Variants in STPG4 observed in about 807,000 individuals in gnomAD.
STPG4 encodes sperm-tail PG-rich repeat containing 4, also known as protein STPG4.
In STPG4, 41 loss-of-function variants were observed where a neutral mutation model predicts 31.5. The ratio of observed to expected loss-of-function variants is 1.30; its 90% CI spans 1.01 to 1.69. STPG4 has a LOEUF of 1.69. STPG4 is among the 40% of genes most tolerant of loss of function. The probability of loss-of-function intolerance (pLI) is 0.00; values close to 1 mark genes in which losing one functional copy is unlikely to be tolerated. For missense variants in STPG4, 375 were observed against 293.4 expected (o/e 1.28, Z -2.03); for synonymous variants, 141 against 103.0 (o/e 1.37, Z -2.24).
At chr2:47,133,735 G>A (rs1450598941) in intron 3 of STPG4, among the ~76,000 whole-genome samples, 6 of 151,646 alleles carry the variant, frequency 4.0e-5, no homozygotes, top group South Asian at 2.1e-4. Flanking sequence ...GCACCACCAC[G>A]TCTGGCTAAT....
At chr2:47,150,550 C>T (rs1264456431) in intron 3 of STPG4, among the ~76,000 whole-genome samples, 1 of 151,668 alleles carries the variant, frequency 6.6e-6, no homozygotes, top group African/African-American at 2.4e-5. Flanking sequence ...GCATGTCACT[C>T]TGTCACCCAG....
At chr2:47,125,130 T>C (rs1686341153) in intron 5 of STPG4, among the ~76,000 whole-genome samples, 2 of 152,212 alleles carry the variant, frequency 1.3e-5, no homozygotes, top group African/African-American at 4.8e-5. Flanking sequence ...TAGATTTTTT[T>C]CCTATTGAGG....
chr2:47,087,223 A>C, intron 6 of STPG4, 93 bp from the exon 7 acceptor site: 4 of 1,433,554 alleles, frequency 2.8e-6, no homozygotes, highest in South Asian at 1.3e-5. Flanking sequence ...TGTGGTGGAC[A>C]AATTCCCCAA....
At chr2:47,106,076 G>A (rs186303109) in intron 5 of STPG4, among the ~76,000 whole-genome samples, 2 of 151,440 alleles carry the variant, frequency 1.3e-5, no homozygotes, top group South Asian at 2.1e-4. Flanking sequence ...AGAAAGAGAG[G>A]AAGAACCAAA....
At chr2:47,089,903 G>A (rs1685534622) in intron 6 of STPG4, among the ~76,000 whole-genome samples, 1 of 152,170 alleles carries the variant, frequency 6.6e-6, no homozygotes, top group South Asian at 2.1e-4. Context: ...GCTCCCAGAA[G>A]CCACACACAC....
intron 5 of STPG4, among the ~76,000 whole-genome samples, chr2:47,117,946 A>C (rs865978345): frequency 7.1e-4 from 105 of 148,108 alleles, no homozygotes; most frequent in African/African-American, 2.7e-3. Flanking sequence ...TTTTTAATAG[A>C]GATGAGGTCT....
At chr2:47,101,652 T>A (rs2103740519) in intron 5 of STPG4, among the ~76,000 whole-genome samples, 1 of 151,898 alleles carries the variant, frequency 6.6e-6, no homozygotes, top group South Asian at 2.1e-4. Flanking sequence ...AAGACATAAT[T>A]TTTGCCCAAA....
chr2:47,107,712 G>A (rs545581244), intron 5 of STPG4, among the ~76,000 whole-genome samples: 308 of 152,280 alleles, frequency 2.0e-3, no homozygotes, highest in Middle Eastern at 3.4e-3. Context: ...GCCCTGGTGC[G>A]GGATCCACTG....
intron 3 of STPG4, among the ~76,000 whole-genome samples, chr2:47,139,097 A>T (rs1397127486): frequency 3.9e-5 from 6 of 152,204 alleles, no homozygotes; most frequent in African/African-American, 1.4e-4. Context: ...TATAGACATA[A>T]ATTATATCCT....
At chr2:47,107,384 G>A (rs1031065706) in intron 5 of STPG4, among the ~76,000 whole-genome samples, 43 of 152,278 alleles carry the variant, frequency 2.8e-4, no homozygotes, top group Admixed American at 1.6e-3. Flanking sequence ...GCAGCTGGCC[G>A]GCCCTGCCGG....
At chr2:47,123,425 C>T (rs1686311647) in intron 5 of STPG4, among the ~76,000 whole-genome samples, 1 of 152,164 alleles carries the variant, frequency 6.6e-6, no homozygotes, top group South Asian at 2.1e-4. Flanking sequence ...AAAGAAATCC[C>T]TGCCTTCATA....
chr2:47,149,473 G>A lies in STPG4; in HGVS notation c.399+1785C>T, dbSNP rs1430233465. 8.5e-5 allele frequency among the ~76,000 whole-genome samples: 13 copies of A among 152,306 alleles called. No homozygotes were observed. The South Asian group carries it at 1.5e-3, about 17-fold the overall frequency. On this transcript the variant is annotated intron_variant, in intron 3 of 6. Coordinates refer to ENST00000445927, the MANE Select transcript of STPG4 (RefSeq NM_001163561.2). The stretch of plus-strand genomic sequence containing the variant: ...TGGTTATCTGGTAGCAAGCCATAAA[G>A]GTGCTAGTATAATTTAGAGTTTGTA...
At chr2:47,144,930 C>G (rs533622513) in intron 3 of STPG4, among the ~76,000 whole-genome samples, 1 of 152,300 alleles carries the variant, frequency 6.6e-6, no homozygotes, top group African/African-American at 2.4e-5. Context: ...TGGGGTTTCA[C>G]TGTGTTAGCC....
intron 5 of STPG4, among the ~76,000 whole-genome samples, chr2:47,091,717 A>G (rs1348699923): frequency 6.6e-6 from 1 of 152,168 alleles, no homozygotes; most frequent in Non-Finnish European, 1.5e-5. Context: ...CAGTATTCTA[A>G]GTTGTATATG....
At chr2:47,141,848 G>A (rs768625226) in intron 3 of STPG4, among the ~76,000 whole-genome samples, 1 of 150,408 alleles carries the variant, frequency 6.6e-6, no homozygotes, top group Non-Finnish European at 1.5e-5. Context: ...TACCACTTTA[G>A]TGAACACACT....
chr2:47,089,981 T>C lies in STPG4; in HGVS notation c.624+289A>G, dbSNP rs141775693. On this transcript the variant is annotated intron_variant, in intron 6 of 6. Coordinates refer to ENST00000445927, the MANE Select transcript of STPG4 (RefSeq NM_001163561.2). ...TACCCCCAACAAAGCATCTAGTTGG[T>C]AACATTGATGGCTGATTAATGTGCT... 3.7e-4 allele frequency among the ~76,000 whole-genome samples: 56 copies of C among 152,324 alleles called. 1 individual carries two copies. The East Asian group carries it at 6.9e-3, about 19-fold the overall frequency.
intron 5 of STPG4, among the ~76,000 whole-genome samples, chr2:47,119,055 G>C (rs1437073985): frequency 6.6e-6 from 1 of 152,196 alleles, no homozygotes; most frequent in African/African-American, 2.4e-5. Flanking sequence ...ACGAAGGTTT[G>C]AGACATTGTT....
chr2:47,150,238 C>T (rs772722552), intron 3 of STPG4, among the ~76,000 whole-genome samples: 3 of 152,366 alleles, frequency 2.0e-5, no homozygotes, highest in Middle Eastern at 3.4e-3. Context: ...ACGTAAGCCA[C>T]GGAGCTTTCC....
intron 3 of STPG4, among the ~76,000 whole-genome samples, chr2:47,144,949 C>G (rs570345455): frequency 2.8e-4 from 43 of 152,340 alleles, no homozygotes; most frequent in African/African-American, 9.9e-4. Flanking sequence ...CCAGGAAGGT[C>G]TTGATCTCTT....
Sources: gnomAD v4.1 joint callset for allele counts (sites outside exome capture counted in the v4.1 genomes callset) on GRCh38, gnomAD v4.1.1 for gene constraint, MANE v1.5 for transcripts, NCBI Gene and HGNC (gene_info 2026-07-23, HGNC 2026-07-21) for gene names.